Variants in MANBA observed in about 807,000 individuals in gnomAD.
MANBA encodes the protein beta-mannosidase.
Under a neutral mutation model 111.1 loss-of-function variants are expected in MANBA, and 83 were observed. The observed-to-expected ratio is 0.75, with a 90% CI of 0.63 to 0.90. MANBA has a LOEUF of 0.90. Ranked by LOEUF, MANBA falls within the 40% of genes least tolerant of loss-of-function variation. MANBA has a pLI of 0.00. For synonymous variants in MANBA, 370 were observed against 378.7 expected (o/e 0.98, Z 0.27); for missense variants, 1,036 against 1,069.0 (o/e 0.97, Z 0.43).
chr4:102,716,214 CAGG>C (rs766219914), intron 4 of MANBA, among the ~76,000 whole-genome samples: 22 of 143,846 alleles, frequency 1.5e-4, no homozygotes, highest in Non-Finnish European at 3.0e-4. Context: ...GAGGCTCAGG[CAGG>C]AGAATCGCTT....
intron 1 of MANBA, chr4:102,728,778 C>A: frequency 1.1e-6 from 1 of 939,864 alleles, no homozygotes; most frequent in Non-Finnish European, 1.6e-6. Context: ...GACTAGGACA[C>A]CAGCCTCCCA....
At chr4:102,637,783 A>T (rs1233401619) in intron 14 of MANBA, among the ~76,000 whole-genome samples, 4 of 152,210 alleles carry the variant, frequency 2.6e-5, no homozygotes, top group Admixed American at 2.6e-4. Context: ...CATCCTCTGT[A>T]ATACAGCAGT....
chr4:102,664,002 A>G (rs1316682070), intron 11 of MANBA, among the ~76,000 whole-genome samples: 1 of 152,202 alleles, frequency 6.6e-6, no homozygotes, highest in Non-Finnish European at 1.5e-5. Context: ...CAGGACATTC[A>G]TATGTGATAT....
At position 102,760,745 on chromosome 4, in the gene MANBA, G is replaced by A. The variant is rs930481036; in HGVS notation, c.150C>T (p.Ser50=). 1.9e-6 allele frequency: 3 copies of A among 1,547,138 alleles called. No homozygotes were observed. Among genetic ancestry groups the A allele is most frequent in the South Asian group, 1.2e-5 (1 of 83,970 alleles). ...LPGAVPGCVH[S]ALFQQGLIQD... is the part of the protein sequence containing the mutation. ...GGATCAGGCCCTGCTGGAACAAGGC[G>A]CTGTGCACGCAGCCAGGGACCGCCC... Residue 50 remains serine (S), a synonymous_variant, in exon 1 of 17, where the codon AGC becomes AGT. Coordinates refer to ENST00000647097, the MANE Select transcript of MANBA (RefSeq NM_005908.4).
chr4:102,710,458 G>C (rs1722009033), intron 5 of MANBA, among the ~76,000 whole-genome samples: 1 of 152,058 alleles, frequency 6.6e-6, no homozygotes, highest in East Asian at 1.9e-4. Context: ...CCAAAAAGGT[G>C]AAAGACCTCT....
At chr4:102,749,028 G>A (rs983884958) in intron 1 of MANBA, among the ~76,000 whole-genome samples, 4 of 151,800 alleles carry the variant, frequency 2.6e-5, no homozygotes, top group South Asian at 2.1e-4. Context: ...GGTTGATAGC[G>A]GTAGAAATGT....
intron 7 of MANBA, among the ~76,000 whole-genome samples, chr4:102,683,564 C>T (rs1431812146): frequency 6.6e-6 from 1 of 152,124 alleles, no homozygotes; most frequent in Non-Finnish European, 1.5e-5. Context: ...CAATTCAGTA[C>T]AATCAATTAG....
intron 1 of MANBA, chr4:102,751,996 T>A: frequency 2.7e-6 from 2 of 733,466 alleles, no homozygotes; most frequent in Non-Finnish European, 5.2e-6. Context: ...TGTTGATAGC[T>A]CAGGAACTAA....
At chr4:102,661,641 C>T (rs73834889) in intron 11 of MANBA, among the ~76,000 whole-genome samples, 1,732 of 152,286 alleles carry the variant, frequency 0.011, 36 homozygotes, top group African/African-American at 0.039. Flanking sequence ...AAATTTGGCA[C>T]GCTGAGCCAT....
chr4:102,635,844 A>C (rs1423596399), intron 15 of MANBA, 21 bp downstream of exon 15: 1 of 1,606,276 alleles, frequency 6.2e-7, no homozygotes, highest in South Asian at 1.1e-5. Context: ...TCGATCTTAG[A>C]AAACAATCCA....
chr4:102,700,614 G>T (rs1732983770), intron 5 of MANBA, among the ~76,000 whole-genome samples: 1 of 152,036 alleles, frequency 6.6e-6, no homozygotes, highest in Non-Finnish European at 1.5e-5. Context: ...ATTTCGTTAT[G>T]TACCCAGTAG....
In MANBA at chr4:102,709,339, G is replaced by A. The variant is rs1214636378; in HGVS notation, c.673+5099C>T. 1.4e-5 allele frequency among the ~76,000 whole-genome samples: 2 copies of A among 142,860 alleles called. 1 individual carries two copies. Among genetic ancestry groups the A allele is most frequent in the African/African-American group, 5.3e-5 (2 of 37,468 alleles). 93.7% of individuals were successfully genotyped at this position (142,860 alleles called of 152,430 possible). On this transcript the variant is annotated intron_variant, in intron 5 of 16. Coordinates refer to ENST00000647097, the MANE Select transcript of MANBA (RefSeq NM_005908.4). ...GAAAAGAAAAGAAAAAGAAAGGAAG[G>A]AAGGAAGGAAGGAAGAAAAGAAAAG... is the stretch of plus-strand genomic sequence containing the variant.
chr4:102,711,672 C>A (rs1367301981), intron 5 of MANBA, among the ~76,000 whole-genome samples: 1 of 152,154 alleles, frequency 6.6e-6, no homozygotes, highest in African/African-American at 2.4e-5. Flanking sequence ...TTTACTGCAG[C>A]ACTATTCACA....
intron 1 of MANBA, among the ~76,000 whole-genome samples, chr4:102,755,819 G>A (rs1247407291): frequency 2.0e-5 from 3 of 152,182 alleles, no homozygotes; most frequent in African/African-American, 7.2e-5. Flanking sequence ...CAAAGGATAT[G>A]AACAGACACT....
intron 11 of MANBA, among the ~76,000 whole-genome samples, chr4:102,658,383 T>TG (rs1245266047): frequency 6.6e-6 from 1 of 152,166 alleles, no homozygotes; most frequent in Non-Finnish European, 1.5e-5. Context: ...AAATGTTCCA[T>TG]GGGGGCAAAA....
chr4:102,727,387 C>T, intron 1 of MANBA: 2 of 838,726 alleles, frequency 2.4e-6, no homozygotes, highest in East Asian at 2.4e-5. Flanking sequence ...TCTTGCTGCT[C>T]ACTGATGAAT....
chr4:102,684,268 A>G (rs1176628846), intron 7 of MANBA, among the ~76,000 whole-genome samples: 1 of 152,196 alleles, frequency 6.6e-6, no homozygotes, highest in Non-Finnish European at 1.5e-5. Context: ...AACAAGAGCA[A>G]TAGAGGTGAA....
intron 4 of MANBA, among the ~76,000 whole-genome samples, chr4:102,714,908 C>T (rs1285562548): frequency 6.6e-6 from 1 of 152,204 alleles, no homozygotes; most frequent in Non-Finnish European, 1.5e-5. Flanking sequence ...AGGGCCCACA[C>T]TAACTGCCTC....
At chr4:102,696,575 G>A (rs2110250555) in intron 5 of MANBA, among the ~76,000 whole-genome samples, 1 of 152,256 alleles carries the variant, frequency 6.6e-6, no homozygotes, top group Non-Finnish European at 1.5e-5. Flanking sequence ...GAACCATAAG[G>A]ACTAGCAGGG....
Sources: gnomAD v4.1 joint callset for allele counts (sites outside exome capture counted in the v4.1 genomes callset) on GRCh38, gnomAD v4.1.1 for gene constraint, MANE v1.5 for transcripts, NCBI Gene and HGNC (gene_info 2026-07-23, HGNC 2026-07-21) for gene names.